GBE1: variants seen among roughly 807,000 people sequenced by gnomAD.
GBE1 encodes the protein 1,4-alpha-glucan-branching enzyme.
GBE1 carries 70 observed loss-of-function variants against 88.8 expected under a neutral mutation model. That is an observed-to-expected ratio of 0.79 (90% confidence interval 0.65 to 0.96). The LOEUF (loss-of-function observed/expected upper bound fraction) is 0.96, where lower values mean the gene tolerates loss of function less well. Ranked by LOEUF, GBE1 falls within the 40% of genes least tolerant of loss-of-function variation. The pLI is 0.00. For synonymous variants in GBE1, 284 were observed against 300.1 expected (o/e 0.95, Z 0.56); for missense variants, 872 against 871.0 (o/e 1.00, Z -0.01).
intron 9 of GBE1, among the ~76,000 whole-genome samples, chr3:81,588,161 C>T (rs1703824922): frequency 6.6e-6 from 1 of 150,656 alleles, no homozygotes; most frequent in Non-Finnish European, 1.5e-5. Context: ...TGGTAGAATA[C>T]ATCCATAAGA....
chr3:81,627,791 T>C (rs772514850), intron 7 of GBE1, among the ~76,000 whole-genome samples: 2 of 150,770 alleles, frequency 1.3e-5, no homozygotes, highest in South Asian at 2.1e-4. Flanking sequence ...TTTGTTGTTG[T>C]TGTTGTTCTT....
intron 12 of GBE1, among the ~76,000 whole-genome samples, chr3:81,541,672 T>C (rs1217720389): frequency 6.6e-6 from 1 of 152,010 alleles, no homozygotes; most frequent in East Asian, 1.9e-4. Context: ...AAATAGGGCA[T>C]CACCAGATAT....
chr3:81,683,113 T>G (rs1705375173), intron 2 of GBE1, among the ~76,000 whole-genome samples: 1 of 152,134 alleles, frequency 6.6e-6, no homozygotes, highest in African/African-American at 2.4e-5. Context: ...AGCTAAAGGG[T>G]ATGGCATTTC....
chr3:81,687,164 T>C (rs559166544), intron 2 of GBE1, among the ~76,000 whole-genome samples: 10 of 152,182 alleles, frequency 6.6e-5, no homozygotes, highest in African/African-American at 1.4e-4. Context: ...CGATAGTCTA[T>C]GGTATCATTC....
chr3:81,641,070 C>G (rs960260323), intron 7 of GBE1, among the ~76,000 whole-genome samples: 1 of 151,934 alleles, frequency 6.6e-6, no homozygotes, highest in Admixed American at 6.6e-5. Context: ...ACAAGGTACA[C>G]TACAATAAAC....
At chr3:81,749,329 TG>T (rs964761758) in intron 1 of GBE1, among the ~76,000 whole-genome samples, 10 of 150,256 alleles carry the variant, frequency 6.7e-5, no homozygotes, top group Admixed American at 6.6e-5. Context: ...TTATGCTGAA[TG>T]AAAAAAAAAG....
At chr3:81,677,650 T>C (rs1413531346) in intron 2 of GBE1, among the ~76,000 whole-genome samples, 5 of 152,172 alleles carry the variant, frequency 3.3e-5, no homozygotes, top group African/African-American at 1.2e-4. Flanking sequence ...GGGGGGTGAC[T>C]GACAGTAGTC....
At chr3:81,616,855 C>CTTT (rs1467574728) in intron 7 of GBE1, among the ~76,000 whole-genome samples, 1 of 151,820 alleles carries the variant, frequency 6.6e-6, no homozygotes, top group African/African-American at 2.4e-5. Flanking sequence ...TTTAAATTTT[C>CTTT]TTTTTTCATC....
In GBE1 at chr3:81,746,965, AT is replaced by A. The variant is rs1413762371; in HGVS notation, c.143+14409del. Among the ~76,000 whole-genome samples the A allele has an allele frequency of 9.2e-5, 14 of 152,326 alleles. No homozygotes were observed. In the South Asian group the frequency reaches 2.9e-3, roughly 32 times the overall value. ...TGACACCTGATTAAAGATGAGGGTA[AT>A]TTTGGTCAGGTCGCTTCTCAATACA... On this transcript the variant is annotated intron_variant, in intron 1 of 15. Coordinates refer to ENST00000429644, the MANE Select transcript of GBE1 (RefSeq NM_000158.4).
chr3:81,531,029 C>T (rs1476685918), intron 14 of GBE1, among the ~76,000 whole-genome samples: 2 of 151,096 alleles, frequency 1.3e-5, no homozygotes, highest in Non-Finnish European at 3.0e-5. Flanking sequence ...GTGGCACCCA[C>T]ATTGCAAGCA....
intron 14 of GBE1, among the ~76,000 whole-genome samples, chr3:81,517,161 T>G (rs1446141248): frequency 1.3e-5 from 2 of 151,474 alleles, no homozygotes; most frequent in Non-Finnish European, 3.0e-5. Flanking sequence ...ATCCATGTAA[T>G]AAACTTCATT....
chr3:81,651,399 C>A (rs1704849768), intron 3 of GBE1, among the ~76,000 whole-genome samples: 1 of 152,070 alleles, frequency 6.6e-6, no homozygotes, highest in Non-Finnish European at 1.5e-5. Flanking sequence ...GACGGAGAGG[C>A]CAAGTAAGTG....
At chr3:81,566,493 C>T (rs1365122282) in intron 12 of GBE1, among the ~76,000 whole-genome samples, 2 of 152,050 alleles carry the variant, frequency 1.3e-5, no homozygotes, top group Non-Finnish European at 2.9e-5. Flanking sequence ...AACACTAGCC[C>T]TCTAGGAAAA....
At chr3:81,548,087 T>G (rs1395555598) in intron 12 of GBE1, among the ~76,000 whole-genome samples, 1 of 151,442 alleles carries the variant, frequency 6.6e-6, no homozygotes, top group Non-Finnish European at 1.5e-5. Flanking sequence ...CCTTTCTGGT[T>G]TGATATCAGT....
At chr3:81,570,779 C>T (rs1703563896) in intron 12 of GBE1, among the ~76,000 whole-genome samples, 1 of 152,120 alleles carries the variant, frequency 6.6e-6, no homozygotes, top group South Asian at 2.1e-4. Flanking sequence ...TGAATTGGAA[C>T]ACCACTAGTT....
intron 9 of GBE1, among the ~76,000 whole-genome samples, chr3:81,588,337 C>A (rs1024090672): frequency 1.3e-5 from 2 of 151,954 alleles, no homozygotes; most frequent in Non-Finnish European, 2.9e-5. Flanking sequence ...TATCAGGCAC[C>A]ATATTAGGAA....
chr3:81,551,072 A>G (rs1703266377), intron 12 of GBE1, among the ~76,000 whole-genome samples: 1 of 152,110 alleles, frequency 6.6e-6, no homozygotes. Flanking sequence ...ACGTTCTCTC[A>G]TGTCTTTCTC....
chr3:81,554,553 A>G (rs1306434490), intron 12 of GBE1, among the ~76,000 whole-genome samples: 1 of 152,220 alleles, frequency 6.6e-6, no homozygotes, highest in Non-Finnish European at 1.5e-5. Flanking sequence ...TCCTGTGGTC[A>G]CAGCAAACAC....
chr3:81,539,473 G>A (rs888670093), intron 12 of GBE1, among the ~76,000 whole-genome samples: 2 of 151,962 alleles, frequency 1.3e-5, no homozygotes, highest in Non-Finnish European at 2.9e-5. Flanking sequence ...GTAGGGAAAT[G>A]AGAATTCCAA....
Sources: allele counts gnomAD v4.1 joint callset (sites outside exome capture counted in the v4.1 genomes callset), GRCh38; gene constraint gnomAD v4.1.1; transcripts MANE v1.5; gene names NCBI Gene and HGNC (gene_info 2026-07-23, HGNC 2026-07-21).